TXNRD1: variants seen among roughly 807,000 people sequenced by gnomAD.
The protein encoded by TXNRD1 is thioredoxin reductase 1.
A neutral mutation model predicts 80.3 loss-of-function variants in TXNRD1; 57 were observed. That is an observed-to-expected ratio of 0.71 (90% CI 0.57 to 0.89). TXNRD1 has a LOEUF of 0.89. TXNRD1 is among the 40% of genes least tolerant of loss of function. TXNRD1 has a pLI of 0.00. For missense variants in TXNRD1, 730 were observed against 803.0 expected, an observed-to-expected ratio of 0.91 and a Z score of 1.10; for synonymous variants, 291 against 285.2, an observed-to-expected ratio of 1.02 and a Z score of -0.20.
chr12:104,250,999 G>A (rs996728325), intron 1 of TXNRD1, among the ~76,000 whole-genome samples: 9 of 152,164 alleles, frequency 5.9e-5, no homozygotes, highest in Non-Finnish European at 1.0e-4. Context: ...AAAATAATTC[G>A]CAGTAAGTAT....
chr12:104,319,654 C>G (rs896654878), intron 9 of TXNRD1, 69 bp downstream of exon 9: 1 of 1,131,796 alleles, frequency 8.8e-7, no homozygotes, highest in Non-Finnish European at 1.3e-6. Flanking sequence ...TTTCTTCAAA[C>G]CCACTGCGTC....
rs774486177 is a variant in TXNRD1, at chr12:104,304,899, A to G, written c.415-6391A>G. 38 of 1,610,902 alleles carry G rather than the reference A, an allele frequency of 2.4e-5. No individual in the cohort carries two copies. The South Asian group carries it at 3.7e-4, about 15-fold the overall frequency. On this transcript the variant is annotated intron_variant, in intron 4 of 16. Transcript: ENST00000525566. Reference sequence around the variant, plus strand: ...TGGAAAAACATTGTGGCAGCTTTTGAAATTTCTGAGGCTATGATTACATAC... The same window carrying G: ...TGGAAAAACATTGTGGCAGCTTTTGGAATTTCTGAGGCTATGATTACATAC...
At chr12:104,218,642 G>A (rs2032277237) in intron 1 of TXNRD1, among the ~76,000 whole-genome samples, 1 of 147,386 alleles carries the variant, frequency 6.8e-6, no homozygotes, top group Admixed American at 6.8e-5. Context: ...TTTTGAAATA[G>A]GGTCTTGCTC....
intron 1 of TXNRD1, among the ~76,000 whole-genome samples, chr12:104,217,985 T>C (rs557711882): frequency 4.6e-5 from 7 of 151,068 alleles, no homozygotes; most frequent in African/African-American, 9.7e-5. Context: ...CACACATATA[T>C]ACACACACAC....
chr12:104,312,117 T>C (rs2135808184), intron 5 of TXNRD1, among the ~76,000 whole-genome samples: 1 of 152,306 alleles, frequency 6.6e-6, no homozygotes, highest in South Asian at 2.1e-4. Context: ...TCTTTTTCAC[T>C]TGAATGATTT....
intron 15 of TXNRD1, among the ~76,000 whole-genome samples, chr12:104,338,011 GT>G (rs1404840301): frequency 6.8e-6 from 1 of 146,886 alleles, no homozygotes; most frequent in Non-Finnish European, 1.5e-5. Context: ...TGCCAGGCTG[GT>G]CTTGAATGCC....
At chr12:104,247,608 A>G (rs952081316) in intron 1 of TXNRD1, among the ~76,000 whole-genome samples, 1 of 152,004 alleles carries the variant, frequency 6.6e-6, no homozygotes, top group Middle Eastern at 3.2e-3. Flanking sequence ...TTATTTACCT[A>G]TCTATTTATC....
chr12:104,276,597 A>G (rs2033763242), intron 3 of TXNRD1: 2 of 152,218 alleles, frequency 1.3e-5, no homozygotes, highest in African/African-American at 4.8e-5. Context: ...TTTCCACTTC[A>G]CTAACAGTCA....
At chr12:104,328,722 G>A (rs552447350) in intron 13 of TXNRD1, among the ~76,000 whole-genome samples, 5 of 138,834 alleles carry the variant, frequency 3.6e-5, no homozygotes, top group African/African-American at 1.4e-4. Flanking sequence ...TTGCACCACT[G>A]CACTCCAGCC....
At chr12:104,308,147 C>T (rs1295550848) in intron 4 of TXNRD1, among the ~76,000 whole-genome samples, 2 of 152,146 alleles carry the variant, frequency 1.3e-5, no homozygotes, top group East Asian at 3.9e-4. Flanking sequence ...AGGCGCCTGC[C>T]ACCACGCCCA....
intron 16 of TXNRD1, among the ~76,000 whole-genome samples, chr12:104,342,978 T>C (rs1040356088): frequency 2.0e-5 from 3 of 152,060 alleles, no homozygotes; most frequent in Non-Finnish European, 1.5e-5. Context: ...TGATAGTACT[T>C]GGCAGCTGGC....
chr12:104,229,545 A>G (rs2032562359), intron 1 of TXNRD1, among the ~76,000 whole-genome samples: 1 of 136,388 alleles, frequency 7.3e-6, no homozygotes, highest in Admixed American at 7.2e-5. Flanking sequence ...ATAACAGTGC[A>G]TTGTATGAAT....
In TXNRD1 at chr12:104,291,155, C is replaced by A. The variant is rs112744650; in HGVS notation, c.414+2115C>A. 6.5e-3 allele frequency: 2,525 copies of A among 385,868 alleles called. 49 individuals carry two copies. The highest frequency in any genetic ancestry group is 0.049 in the African/African-American group (2,159 of 44,204). 23.9% of individuals were successfully genotyped at this position (385,868 alleles called of 1,614,324 possible). On this transcript the variant is annotated intron_variant, in intron 4 of 16. Transcript: ENST00000525566. ...ACCATCAAGAACACTTAAAAGAAAT[C>A]ATTTAGCATATTTCTTAAGTAAACT...
At chr12:104,257,202 A>T (rs2033271981) in intron 2 of TXNRD1, among the ~76,000 whole-genome samples, 1 of 151,878 alleles carries the variant, frequency 6.6e-6, no homozygotes, top group African/African-American at 2.4e-5. Flanking sequence ...GTTTTTTACC[A>T]GTATAATTTG....
At chr12:104,252,657 ATTTTT>A (rs67054728) in intron 2 of TXNRD1, among the ~76,000 whole-genome samples, 771 of 37,670 alleles carry the variant, frequency 0.02, 17 homozygotes, top group African/African-American at 0.042. Flanking sequence ...TTAATTTATT[ATTTTT>A]TATATATATA....
chr12:104,327,407 C>A, intron 12 of TXNRD1, 108 bp from the exon 13 acceptor site: 1 of 1,076,508 alleles, frequency 9.3e-7, no homozygotes, highest in East Asian at 2.6e-5. Context: ...TAGAACATTG[C>A]CCTCAGCTAG....
intron 15 of TXNRD1, among the ~76,000 whole-genome samples, chr12:104,338,863 C>T (rs1430113362): frequency 6.6e-6 from 1 of 151,916 alleles, no homozygotes; most frequent in Non-Finnish European, 1.5e-5. Context: ...ACTACAGGCA[C>T]CCGCCACCAC....
In TXNRD1 at chr12:104,348,285, C is replaced by A. The variant is rs921097002; in HGVS notation, c.1882-68C>A. 3 of 1,484,260 alleles carry A rather than the reference C, an allele frequency of 2.0e-6. No homozygotes were observed. In the African/African-American group the frequency reaches 4.2e-5, roughly 21 times the overall value. 91.9% of individuals were successfully genotyped at this position (1,484,260 alleles called of 1,614,324 possible). On this transcript the variant is annotated intron_variant, in intron 16 of 16. Transcript: ENST00000525566. ...ATGGTTTTAATGCATATGGCATTAT[C>A]TGAACTGTTCCCTGTTACCTCATTT...
chr12:104,248,137 A>G (rs2033031616), intron 1 of TXNRD1, among the ~76,000 whole-genome samples: 2 of 152,234 alleles, frequency 1.3e-5, no homozygotes, highest in Non-Finnish European at 2.9e-5. Context: ...GGATGAGGCT[A>G]TCGTCATGTG....
Sources: allele counts gnomAD v4.1 joint callset (sites outside exome capture counted in the v4.1 genomes callset), GRCh38; gene constraint gnomAD v4.1.1; transcripts MANE v1.5; gene names NCBI Gene and HGNC (gene_info 2026-07-23, HGNC 2026-07-21).